The following RXFP2 variants were observed in gnomAD, a reference collection of about 807,000 sequenced individuals.
The protein encoded by RXFP2 is relaxin receptor 2.
RXFP2 carries 68 observed loss-of-function variants against 88.6 expected under a neutral mutation model. That is an observed-to-expected ratio of 0.77 (90% CI 0.63 to 0.94). The LOEUF (loss-of-function observed/expected upper bound fraction) is 0.94. Among genes scored for constraint, RXFP2 ranks in the 40% least tolerant of loss-of-function variants. RXFP2 has a pLI of 0.00. For synonymous variants in RXFP2, 329 were observed against 306.8 expected (o/e 1.07, Z -0.76); for missense variants, 791 against 893.9 (o/e 0.88, Z 1.47).
At chr13:31,789,214 G>A (rs1179591429) in intron 14 of RXFP2, 21 bp downstream of exon 14, 2 of 1,477,054 alleles carry the variant, frequency 1.4e-6, no homozygotes, top group Middle Eastern at 1.7e-4. Flanking sequence ...ATAAAAAATG[G>A]AGGAGGAAGC....
At chr13:31,758,796 G>T (rs1872101430) in intron 2 of RXFP2, among the ~76,000 whole-genome samples, 1 of 152,088 alleles carries the variant, frequency 6.6e-6, no homozygotes, top group Non-Finnish European at 1.5e-5. Flanking sequence ...CCAGCACTTT[G>T]GAAGGCCGAG....
In RXFP2 at chr13:31,803,222, G is replaced by A. The variant is rs1035139513; in HGVS notation, c.*817G>A. ...TATGCAGATAAGAAGTGTTAAATGG[G>A]ATTCAAGAATTATGGTTTTATTTGG... is the stretch of plus-strand genomic sequence containing the variant. On this transcript the variant is annotated 3_prime_UTR_variant, in exon 18 of 18. Transcript: ENST00000298386. 2.0e-5 allele frequency: 3 copies of A among 152,120 alleles called. No homozygotes were observed. Among genetic ancestry groups the A allele is most frequent in the Admixed American group, 6.5e-5 (1 of 15,272 alleles). The allele number at this position is 152,120 out of a possible 1,614,324, so 9.4% of individuals were successfully genotyped here. A position where few individuals can be genotyped will look rare whatever the true frequency, so the allele number is the denominator to read the frequency against.
chr13:31,791,750 A>C, intron 14 of RXFP2, 56 bp from the exon 15 acceptor site: 1 of 1,217,804 alleles, frequency 8.2e-7, no homozygotes, highest in Non-Finnish European at 1.2e-6. Flanking sequence ...TAGGACTGCA[A>C]CTGTAGGTTC....
chr13:31,757,060 T>C (rs1221169353), intron 1 of RXFP2, among the ~76,000 whole-genome samples: 1 of 152,262 alleles, frequency 6.6e-6, no homozygotes, highest in Admixed American at 6.5e-5. Flanking sequence ...TTGGTCATCC[T>C]ATCCATAGAT....
Position 31,757,536 on chromosome 13 carries a change from A to ACTCTC in RXFP2, c.95-719_95-715dup, listed in dbSNP as rs755983519. Among the ~76,000 whole-genome samples, 13 of 151,764 alleles carry ACTCTC rather than the reference A, an allele frequency of 8.6e-5. No individual in the cohort carries two copies. The East Asian group carries it at 1.2e-3, about 14-fold the overall frequency. Reference sequence around the variant, plus strand: ...GGATTTCTCTCTAACTCATACTTAAACTCTCCTTTTGCAGGTATATTTTTA... The same window carrying ACTCTC: ...GGATTTCTCTCTAACTCATACTTAAACTCTCCTCTCCTTTTGCAGGTATATTTTTA... On this transcript the variant is annotated intron_variant, in intron 1 of 17. Transcript: ENST00000298386.
intron 5 of RXFP2, among the ~76,000 whole-genome samples, chr13:31,768,403 C>T (rs990608718): frequency 6.6e-6 from 1 of 152,158 alleles, no homozygotes; most frequent in Non-Finnish European, 1.5e-5. Context: ...TTAAAGTTTA[C>T]AAAGAATTCC....
intron 5 of RXFP2, among the ~76,000 whole-genome samples, chr13:31,767,950 C>T (rs1000160786): frequency 2.0e-5 from 3 of 152,148 alleles, no homozygotes; most frequent in Non-Finnish European, 2.9e-5. Context: ...TAAAATTAGA[C>T]TTCTCAGGCC....
chr13:31,786,722 C>T, intron 13 of RXFP2, 85 bp downstream of exon 13: 1 of 833,938 alleles, frequency 1.2e-6, no homozygotes, highest in East Asian at 2.6e-5. Context: ...GTATTTTGCA[C>T]ACAGGAGCAT....
intron 3 of RXFP2, among the ~76,000 whole-genome samples, chr13:31,762,031 A>G (rs1244213938): frequency 6.6e-6 from 1 of 152,228 alleles, no homozygotes; most frequent in Non-Finnish European, 1.5e-5. Context: ...GCAAGAATAT[A>G]TAAGTATTGA....
chr13:31,740,772 T>C (rs1871199268), intron 1 of RXFP2, among the ~76,000 whole-genome samples: 1 of 152,066 alleles, frequency 6.6e-6, no homozygotes, highest in African/African-American at 2.4e-5. Flanking sequence ...ATGACTTTTA[T>C]TTTATATTTT....
In RXFP2 at chr13:31,765,962, T is replaced by C. The variant is rs1444992886; in HGVS notation, c.432T>C (p.Leu144=). The part of the protein sequence containing the change: ...MISNNVTLLS[L]KKNKIHSLPD... ...GCTTTACATGTTATTTTAGGTCTCT[T>C]AAGAAAAACAAAATCCACAGTCTTC... is the stretch of plus-strand genomic sequence containing the variant. The change falls in exon 5 of 18, where the codon CTT becomes CTC. Residue 144 remains leucine, a synonymous_variant. Transcript: ENST00000298386. 5.3e-6 allele frequency: 8 copies of C among 1,508,064 alleles called. No individual in the cohort carries two copies. The highest frequency in any genetic ancestry group is 1.4e-5 in the African/African-American group (1 of 72,344). The allele number at this position is 1,508,064 out of a possible 1,614,324, so 93.4% of individuals were successfully genotyped here. A position where few individuals can be genotyped will look rare whatever the true frequency, so the allele number is the denominator to read the frequency against.
At chr13:31,789,246 T>C (rs1873691634) in intron 14 of RXFP2, 53 bp downstream of exon 14, 1 of 1,126,258 alleles carries the variant, frequency 8.9e-7, no homozygotes, top group Non-Finnish European at 1.3e-6. Context: ...CTTCAAATTA[T>C]CTCCTGTAAA....
In RXFP2 at chr13:31,765,013, A is replaced by T. The variant is rs1416975640; in HGVS notation, c.320-24A>T. ...ATTAATGTATTTGTTTACTAGTGAA[A>T]TCTTACTCTTTTTGTCCCATTAGTT... On this transcript the variant is annotated intron_variant, in intron 3 of 17. Coordinates refer to ENST00000298386, the MANE Select transcript of RXFP2 (RefSeq NM_130806.5). 3 of 1,257,338 alleles carry T rather than the reference A, an allele frequency of 2.4e-6. No homozygotes were observed. In the African/African-American group the frequency reaches 4.4e-5, roughly 19 times the overall value. The allele number at this position is 1,257,338 out of a possible 1,614,324, so 77.9% of individuals were successfully genotyped here.
chr13:31,766,010 C>T lies in RXFP2; in HGVS notation c.480C>T (p.Tyr160=), dbSNP rs746083718. 2.6e-6 allele frequency: 4 copies of T among 1,538,746 alleles called. No homozygotes were observed. The Admixed American group carries it at 5.0e-5, about 19-fold the overall frequency. ...HSLPDKVFIK[Y]TKLKKIFLQH... ...TTCCAGATAAAGTTTTCATCAAATA[C>T]ACAAAACTTAAAAAGATGTAAGTAG... Residue 160 remains tyrosine, a synonymous_variant, in exon 5 of 18, where the codon TAC becomes TAT. Transcript: ENST00000298386.
chr13:31,774,380 T>C (rs570331748), intron 5 of RXFP2, among the ~76,000 whole-genome samples: 1 of 152,278 alleles, frequency 6.6e-6, no homozygotes, highest in Non-Finnish European at 1.5e-5. Context: ...CGCAGACACA[T>C]CACACTGGAG....
intron 16 of RXFP2, 26 bp downstream of exon 16, chr13:31,793,114 GA>G: frequency 6.3e-7 from 1 of 1,577,542 alleles, no homozygotes. Flanking sequence ...TCATTTCCTG[GA>G]AAAACATAAT....
chr13:31,767,249 T>C (rs1872583819), intron 5 of RXFP2, among the ~76,000 whole-genome samples: 1 of 152,198 alleles, frequency 6.6e-6, no homozygotes, highest in South Asian at 2.1e-4. Context: ...TGAACATCAA[T>C]ACTCAATCAT....
intron 5 of RXFP2, among the ~76,000 whole-genome samples, chr13:31,766,819 T>TC (rs1872566721): frequency 6.6e-6 from 1 of 152,232 alleles, no homozygotes; most frequent in Non-Finnish European, 1.5e-5. Flanking sequence ...TGCTTTCTAT[T>TC]CACATTAATA....
chr13:31,774,115 T>C (rs546134464), intron 5 of RXFP2, among the ~76,000 whole-genome samples: 7 of 152,350 alleles, frequency 4.6e-5, no homozygotes, highest in African/African-American at 1.7e-4. Flanking sequence ...TGTCCTTTGA[T>C]ATCCTGAGTA....
Sources: allele counts gnomAD v4.1 joint callset (sites outside exome capture counted in the v4.1 genomes callset), GRCh38; gene constraint gnomAD v4.1.1; transcripts MANE v1.5; gene names NCBI Gene and HGNC (gene_info 2026-07-23, HGNC 2026-07-21).